The following EIF2S1 variants were observed in gnomAD, a reference collection of about 807,000 sequenced individuals.
EIF2S1 encodes eukaryotic translation initiation factor 2 subunit 1.
EIF2S1 carries 5 observed loss-of-function variants against 33.5 expected under a neutral mutation model. The ratio of observed to expected loss-of-function variants is 0.15; its 90% CI spans 0.08 to 0.31. The LOEUF (loss-of-function observed/expected upper bound fraction) is 0.31, where lower values mean the gene tolerates loss of function less well. Ranked by LOEUF, EIF2S1 falls within the 10% of genes least tolerant of loss-of-function variation. The probability of loss-of-function intolerance (pLI) is 1.00; values close to 1 mark genes in which losing one functional copy is unlikely to be tolerated. For missense variants in EIF2S1, 191 were observed against 384.6 expected, an observed-to-expected ratio of 0.50 and a Z score of 4.21; for synonymous variants, 99 against 127.5, an observed-to-expected ratio of 0.78 and a Z score of 1.51.
chr14:67,362,973 C>G (rs1248734045), intron 1 of EIF2S1, among the ~76,000 whole-genome samples: 1 of 152,138 alleles, frequency 6.6e-6, no homozygotes, highest in Non-Finnish European at 1.5e-5. Flanking sequence ...CTTCAGGATT[C>G]TCTTACATGA....
At chr14:67,372,759 C>T (rs1230905433) in intron 2 of EIF2S1, among the ~76,000 whole-genome samples, 2 of 151,174 alleles carry the variant, frequency 1.3e-5, no homozygotes, top group African/African-American at 4.9e-5. Context: ...ACCCAGGAGG[C>T]AGAGGTTGCA....
At chr14:67,361,770 T>C (rs1171115401) in intron 1 of EIF2S1, among the ~76,000 whole-genome samples, 1 of 152,234 alleles carries the variant, frequency 6.6e-6, no homozygotes, top group African/African-American at 2.4e-5. Context: ...TAGCATGTTG[T>C]GATATTGAGG....
At chr14:67,372,924 A>C (rs1335159725) in intron 2 of EIF2S1, among the ~76,000 whole-genome samples, 1 of 152,236 alleles carries the variant, frequency 6.6e-6, no homozygotes, top group Non-Finnish European at 1.5e-5. Context: ...CAGAGAAGAT[A>C]ATTGGATAGC....
chr14:67,364,860 G>A lies in EIF2S1; in HGVS notation c.93G>A (p.Gly31=). The part of the protein sequence containing the change: ...MVNVRSIAEM[G]AYVSLLEYNN... ...ATGTCAGATCCATTGCTGAAATGGG[G>A]GCTTATGTCAGCTTGCTGGAATACA... Residue 31 remains glycine (G), a synonymous_variant, in exon 2 of 8, where the codon GGG becomes GGA. Transcript: ENST00000256383. The A allele has an allele frequency of 1.2e-6, 2 of 1,613,980 alleles. No homozygotes were observed. Among genetic ancestry groups the A allele is most frequent in the South Asian group, 1.1e-5 (1 of 91,076 alleles).
Position 67,364,784 on chromosome 14 carries a change from G to C in EIF2S1, c.17G>C (p.Cys6Ser). Residue 6 changes from cysteine (C) to serine (S), a missense_variant, in exon 2 of 8, where the codon TGT (cysteine) becomes TCT (serine). Physicochemically the swap from Cys to Ser is moderately radical, Grantham distance 112 (BLOSUM62 -1). Coordinates refer to ENST00000256383, the MANE Select transcript of EIF2S1 (RefSeq NM_004094.5). Reference sequence around the variant, plus strand: ...AATTGCAGAATGCCGGGTCTAAGTTGTAGATTTTATCAACACAAATTTCCT... The same window carrying C: ...AATTGCAGAATGCCGGGTCTAAGTTCTAGATTTTATCAACACAAATTTCCT... MPGLSCRFYQHKFPEV... is the reference protein window; with the variant it reads MPGLSSRFYQHKFPEV... 1 of 1,613,010 alleles carries C rather than the reference G, an allele frequency of 6.2e-7. No homozygotes were observed. The highest frequency in any genetic ancestry group is 8.5e-7 in the Non-Finnish European group (1 of 1,179,416).
chr14:67,368,735 T>TA (rs199810450), intron 2 of EIF2S1, among the ~76,000 whole-genome samples: 2 of 41,454 alleles, frequency 4.8e-5, no homozygotes, highest in African/African-American at 7.0e-4. Flanking sequence ...GAACAACCAT[T>TA]AAATAAGCCA....
At chr14:67,372,406 C>T (rs2085828426) in intron 2 of EIF2S1, among the ~76,000 whole-genome samples, 2 of 152,068 alleles carry the variant, frequency 1.3e-5, no homozygotes, top group African/African-American at 4.8e-5. Flanking sequence ...ACACTAAAAG[C>T]GTTATCCATG....
At chr14:67,361,399 T>C (rs2085739509) in intron 1 of EIF2S1, among the ~76,000 whole-genome samples, 1 of 152,246 alleles carries the variant, frequency 6.6e-6, no homozygotes. Context: ...TGCACAGTAA[T>C]GTTTGTAGAG....
intron 5 of EIF2S1, 35 bp from the exon 6 acceptor site, chr14:67,381,558 A>T (rs952685725): frequency 1.9e-6 from 3 of 1,563,796 alleles, no homozygotes; most frequent in Admixed American, 3.4e-5. Context: ...TATTTTTTGC[A>T]TTTTTTATCA....
Position 67,386,018 on chromosome 14 carries a change from G to A in EIF2S1, c.*2578G>A, listed in dbSNP as rs2085921645. On this transcript the variant is annotated 3_prime_UTR_variant, in exon 8 of 8. Coordinates refer to ENST00000256383, the MANE Select transcript of EIF2S1 (RefSeq NM_004094.5). ...GTTCACTGATTTGCCCCAACCCCAA[G>A]GTAATGGTCATCTACTTTGCAACCT... is the stretch of plus-strand genomic sequence containing the variant. The A allele has an allele frequency of 6.6e-6, 1 of 152,120 alleles. No homozygotes were observed. The highest frequency in any genetic ancestry group is 1.5e-5 in the Non-Finnish European group (1 of 68,010). The allele number at this position is 152,120 out of a possible 1,614,324, so 9.4% of individuals were successfully genotyped here. A position where few individuals can be genotyped will look rare whatever the true frequency, so the allele number is the denominator to read the frequency against.
At chr14:67,382,740 G>A (rs956932286) in intron 7 of EIF2S1, 150 bp downstream of exon 7, 18 of 807,718 alleles carry the variant, frequency 2.2e-5, no homozygotes, top group South Asian at 8.4e-5. Context: ...GTCACCCCCC[G>A]TCCCCAGCCA....
Position 67,360,382 on chromosome 14 carries a change from G to T in EIF2S1, c.-76G>T. On this transcript the variant is annotated 5_prime_UTR_variant, in exon 1 of 8. Transcript: ENST00000256383. ...TGAGGAGGATCGGCGGCCGGTGAGGGGGAAGCAAGTCTGGTCTCTGTGATT... is the reference window on the plus strand; with the variant it reads ...TGAGGAGGATCGGCGGCCGGTGAGGTGGAAGCAAGTCTGGTCTCTGTGATT... The T allele has an allele frequency of 2.5e-6, 1 of 396,374 alleles. No homozygotes were observed. The highest frequency in any genetic ancestry group is 4.4e-6 in the Non-Finnish European group (1 of 225,076). 24.6% of individuals were successfully genotyped at this position (396,374 alleles called of 1,614,324 possible). A position where few individuals can be genotyped will look rare whatever the true frequency, so the allele number is the denominator to read the frequency against.
intron 5 of EIF2S1, among the ~76,000 whole-genome samples, chr14:67,381,145 A>G (rs755856713): frequency 4.6e-5 from 7 of 152,216 alleles, no homozygotes; most frequent in Admixed American, 2.0e-4. Flanking sequence ...ATTGCAGAAC[A>G]TAGGAATCTT....
chr14:67,376,615 T>G, intron 4 of EIF2S1, 25 bp downstream of exon 4: 1 of 1,605,608 alleles, frequency 6.2e-7, no homozygotes, highest in Non-Finnish European at 8.5e-7. Flanking sequence ...TTGACTCTCC[T>G]TCTACCTTGA....
At chr14:67,366,976 A>G (rs2085783558) in intron 2 of EIF2S1, among the ~76,000 whole-genome samples, 1 of 152,142 alleles carries the variant, frequency 6.6e-6, no homozygotes. Context: ...GTTGTAGACA[A>G]CCATAGTAGA....
chr14:67,367,064 A>G (rs2085784057), intron 2 of EIF2S1, among the ~76,000 whole-genome samples: 1 of 152,132 alleles, frequency 6.6e-6, no homozygotes, highest in African/African-American at 2.4e-5. Context: ...AAGTCTATAT[A>G]AATTCTTCCC....
At chr14:67,379,357 C>A (rs1015723420) in intron 4 of EIF2S1, among the ~76,000 whole-genome samples, 1 of 152,142 alleles carries the variant, frequency 6.6e-6, no homozygotes, top group Non-Finnish European at 1.5e-5. Flanking sequence ...ACAGTAGTAT[C>A]TTTTGATTTG....
intron 4 of EIF2S1, 34 bp downstream of exon 4, chr14:67,376,624 GAT>G (rs777644619): frequency 3.3e-5 from 53 of 1,599,094 alleles, no homozygotes; most frequent in Non-Finnish European, 4.4e-5. Flanking sequence ...CTTCTACCTT[GAT>G]ATCACAACTC....
chr14:67,364,077 A>T (rs1389285006), intron 1 of EIF2S1: 1 of 152,222 alleles, frequency 6.6e-6, no homozygotes, highest in African/African-American at 2.4e-5. Context: ...GATTAAAGCT[A>T]TTCTCAAGAT....
Sources: allele counts gnomAD v4.1 joint callset (sites outside exome capture counted in the v4.1 genomes callset), GRCh38; gene constraint gnomAD v4.1.1; transcripts MANE v1.5; gene names NCBI Gene and HGNC (gene_info 2026-07-23, HGNC 2026-07-21).